Variants in TOX observed in about 807,000 individuals in gnomAD.
The protein encoded by TOX is thymocyte selection associated high mobility group box.
A neutral mutation model predicts 53.7 loss-of-function variants in TOX; 11 were observed. The ratio of observed to expected loss-of-function variants is 0.20; its 90% CI spans 0.13 to 0.34. TOX has a LOEUF of 0.34. Among genes scored for constraint, TOX ranks in the 10% least tolerant of loss-of-function variants. TOX has a pLI of 1.00. For synonymous variants in TOX, 225 were observed against 245.3 expected, an observed-to-expected ratio of 0.92 and a Z score of 0.77; for missense variants, 570 against 664.6, an observed-to-expected ratio of 0.86 and a Z score of 1.56.
intron 1 of TOX, among the ~76,000 whole-genome samples, chr8:58,988,552 C>T (rs1198306041): frequency 1.3e-5 from 2 of 152,190 alleles, no homozygotes; most frequent in Non-Finnish European, 2.9e-5. Flanking sequence ...TAACAAGTCA[C>T]ATTTGTTAAT....
intron 4 of TOX, among the ~76,000 whole-genome samples, chr8:58,840,858 C>T (rs1810631883): frequency 6.6e-6 from 1 of 152,128 alleles, no homozygotes; most frequent in Admixed American, 6.5e-5. Context: ...CTTGAGTCTC[C>T]CCCTTACCTG....
intron 1 of TOX, among the ~76,000 whole-genome samples, chr8:59,020,101 T>C (rs1412737666): frequency 6.6e-6 from 1 of 152,234 alleles, no homozygotes; most frequent in East Asian, 1.9e-4. Context: ...GCTCGGAAGA[T>C]AGTACAGTAC....
chr8:58,876,677 G>A lies in TOX; in HGVS notation c.412-24872C>T, dbSNP rs560252883. ...AGATGCCCAGCTACATGTAGCTAGC[G>A]GGTAGCATAAAGGGTCTGGGTGTTC... On this transcript the variant is annotated intron_variant, in intron 3 of 8. Transcript: ENST00000361421. 1.9e-4 allele frequency among the ~76,000 whole-genome samples: 29 copies of A among 152,224 alleles called. No individual in the cohort carries two copies. The South Asian group carries it at 5.8e-3, about 31-fold the overall frequency.
chr8:58,998,562 GTAATAAATGTATATA>G lies in TOX; in HGVS notation c.103-38569_103-38555del, dbSNP rs1380213994. 2.6e-3 allele frequency among the ~76,000 whole-genome samples: 271 copies of G among 104,922 alleles called. 4 individuals are homozygous for G. The highest frequency in any genetic ancestry group is 0.014 in the Middle Eastern group (2 of 146). The allele number at this position is 104,922 out of a possible 152,430, so 68.8% of individuals were successfully genotyped here. ...ATAAATTTATATATAATAAATTTAT[GTAATAAATGTATATA>G]TAATAAATTTATATGTAATAAATTT... On this transcript the variant is annotated intron_variant, in intron 1 of 8. Coordinates refer to ENST00000361421, the MANE Select transcript of TOX (RefSeq NM_014729.3).
intron 3 of TOX, among the ~76,000 whole-genome samples, chr8:58,927,295 G>A (rs535850452): frequency 6.6e-6 from 1 of 152,310 alleles, no homozygotes; most frequent in East Asian, 1.9e-4. Context: ...TCATCACGGT[G>A]CCGAGTTCAT....
chr8:59,103,894 C>T (rs2129424546), intron 1 of TOX, among the ~76,000 whole-genome samples: 1 of 152,286 alleles, frequency 6.6e-6, no homozygotes, highest in Non-Finnish European at 1.5e-5. Flanking sequence ...TCTTCTAAGA[C>T]TACACATAAA....
chr8:58,862,503 T>C (rs566528472), intron 3 of TOX, among the ~76,000 whole-genome samples: 1 of 152,270 alleles, frequency 6.6e-6, no homozygotes, highest in African/African-American at 2.4e-5. Context: ...ATCCTTTCTT[T>C]AAAACAACAG....
At position 58,939,554 on chromosome 8, in the gene TOX, G is replaced by A. The variant is rs188693016; in HGVS notation, c.169-10C>T. ...TTGGACCAGGGTAGGACTGTGAAAA[G>A]ACAAAAGTGACATTGTTGCAAATTA... On this transcript the variant is annotated splice_polypyrimidine_tract_variant and intron_variant, in intron 2 of 8. Coordinates refer to ENST00000361421, the MANE Select transcript of TOX (RefSeq NM_014729.3). The A allele has an allele frequency of 2.5e-6, 4 of 1,595,190 alleles. No homozygotes were observed. In the African/African-American group the frequency reaches 5.4e-5, roughly 21 times the overall value.
chr8:58,857,577 G>T (rs779288616), intron 3 of TOX, among the ~76,000 whole-genome samples: 1 of 152,060 alleles, frequency 6.6e-6, no homozygotes, highest in African/African-American at 2.4e-5. Context: ...AATCAATTAG[G>T]AAGCCAAAGC....
At chr8:58,955,107 GT>G (rs765081605) in intron 2 of TOX, among the ~76,000 whole-genome samples, 10 of 152,168 alleles carry the variant, frequency 6.6e-5, no homozygotes, top group Non-Finnish European at 1.5e-4. Flanking sequence ...ATGCTTAGTT[GT>G]AACTGATTCC....
intron 3 of TOX, among the ~76,000 whole-genome samples, chr8:58,933,851 C>A (rs1812300300): frequency 6.6e-6 from 1 of 152,104 alleles, no homozygotes; most frequent in African/African-American, 2.4e-5. Context: ...ACTCCTGCAC[C>A]CCACCCCTGA....
chr8:58,844,454 T>A (rs1442404978), intron 4 of TOX, among the ~76,000 whole-genome samples: 1 of 152,148 alleles, frequency 6.6e-6, no homozygotes, highest in Non-Finnish European at 1.5e-5. Context: ...TCCATCATAA[T>A]CTTTAGAATA....
intron 1 of TOX, among the ~76,000 whole-genome samples, chr8:59,061,802 C>T (rs144422379): frequency 7.1e-4 from 108 of 152,074 alleles, no homozygotes; most frequent in African/African-American, 2.6e-3. Flanking sequence ...GAAGGCAGAG[C>T]TAGAGAAAAG....
At chr8:59,104,624 C>T (rs190871131) in intron 1 of TOX, among the ~76,000 whole-genome samples, 71 of 152,320 alleles carry the variant, frequency 4.7e-4, no homozygotes, top group African/African-American at 1.6e-3. Flanking sequence ...AAGAAGTATG[C>T]TTGCATCTCC....
rs1049503759 is a variant in TOX, at chr8:58,909,384, T to C, written c.411+29918A>G. ...TGAAATTAAATTAAAAACAAATAAATAAATAAAAATACAGAATCTCAGCCC... is the reference window on the plus strand; with the variant it reads ...TGAAATTAAATTAAAAACAAATAAACAAATAAAAATACAGAATCTCAGCCC... On this transcript the variant is annotated intron_variant, in intron 3 of 8. Transcript: ENST00000361421. Among the ~76,000 whole-genome samples the C allele has an allele frequency of 1.3e-5, 2 of 152,034 alleles. 1 individual carries two copies. Among genetic ancestry groups the C allele is most frequent in the Non-Finnish European group, 2.9e-5 (2 of 67,994 alleles).
chr8:58,903,874 C>A (rs1365959094), intron 3 of TOX, among the ~76,000 whole-genome samples: 1 of 152,138 alleles, frequency 6.6e-6, no homozygotes, highest in Non-Finnish European at 1.5e-5. Context: ...ACTCTTAACC[C>A]TGCACCCCAG....
chr8:59,113,225 CCTT>C (rs1484503656), intron 1 of TOX, among the ~76,000 whole-genome samples: 2 of 152,134 alleles, frequency 1.3e-5, no homozygotes, highest in African/African-American at 4.8e-5. Context: ...CTAAACATAG[CCTT>C]CTCACTGAGG....
chr8:58,850,513 C>T (rs969259846), intron 4 of TOX, among the ~76,000 whole-genome samples: 4 of 151,900 alleles, frequency 2.6e-5, no homozygotes, highest in South Asian at 4.2e-4. Flanking sequence ...AGCCTAGGGG[C>T]GATGTAGGGT....
chr8:59,063,397 C>T lies in TOX; in HGVS notation c.102+55489G>A, dbSNP rs554667332. Among the ~76,000 whole-genome samples, 9 of 149,194 alleles carry T rather than the reference C, an allele frequency of 6.0e-5. No homozygotes were observed. The East Asian group carries it at 9.8e-4, about 16-fold the overall frequency. On this transcript the variant is annotated intron_variant, in intron 1 of 8. Coordinates refer to ENST00000361421, the MANE Select transcript of TOX (RefSeq NM_014729.3). Reference sequence around the variant, plus strand: ...CTGAACGATGGCCAGAGAGTTCTAACGATGGGATTACTTGACTAAGGATAT... The same window carrying T: ...CTGAACGATGGCCAGAGAGTTCTAATGATGGGATTACTTGACTAAGGATAT...
Sources: allele counts gnomAD v4.1 joint callset (sites outside exome capture counted in the v4.1 genomes callset), GRCh38; gene constraint gnomAD v4.1.1; transcripts MANE v1.5; gene names NCBI Gene and HGNC (gene_info 2026-07-23, HGNC 2026-07-21).